The following HP1BP3 variants were observed in gnomAD, a reference collection of about 807,000 sequenced individuals.
HP1BP3 encodes the protein heterochromatin protein 1-binding protein 3.
A neutral mutation model predicts 62.5 loss-of-function variants in HP1BP3; 12 were observed. That is an observed-to-expected ratio of 0.19 (90% CI 0.12 to 0.31). The LOEUF (loss-of-function observed/expected upper bound fraction) is 0.31, where lower values mean the gene tolerates loss of function less well. Ranked by LOEUF, HP1BP3 falls within the 10% of genes least tolerant of loss-of-function variation. HP1BP3 has a pLI of 1.00. For missense variants in HP1BP3, 502 were observed against 651.8 expected, an observed-to-expected ratio of 0.77 and a Z score of 2.50; for synonymous variants, 260 against 237.8, an observed-to-expected ratio of 1.09 and a Z score of -0.86.
chr1:20,744,595 T>A lies in HP1BP3; in HGVS notation c.*202A>T. 1.8e-6 allele frequency: 1 copy of A among 559,076 alleles called. No homozygotes were observed. The allele number at this position is 559,076 out of a possible 1,614,324, so 34.6% of individuals were successfully genotyped here. A position where few individuals can be genotyped will look rare whatever the true frequency, so the allele number is the denominator to read the frequency against. The stretch of plus-strand genomic sequence containing the variant: ...TCCAGGATTATTGCAGAAATTAAAA[T>A]GAACAAGGAAAAGGGCAGGCACCAA... On this transcript the variant is annotated 3_prime_UTR_variant, in exon 13 of 13. Transcript: ENST00000438032.
chr1:20,767,210 G>T (rs2056829403), intron 7 of HP1BP3, among the ~76,000 whole-genome samples: 1 of 152,146 alleles, frequency 6.6e-6, no homozygotes, highest in Non-Finnish European at 1.5e-5. Context: ...CAGCTACTCA[G>T]GAGGCTGAGG....
At chr1:20,774,581 A>G (rs149165002) in intron 4 of HP1BP3, 1 of 152,290 alleles carries the variant, frequency 6.6e-6, no homozygotes, top group African/African-American at 2.4e-5. Context: ...AAAACCTCCT[A>G]TTACCTGGTT....
chr1:20,761,770 G>A (rs778895069), intron 8 of HP1BP3, among the ~76,000 whole-genome samples: 1 of 152,228 alleles, frequency 6.6e-6, no homozygotes, highest in Non-Finnish European at 1.5e-5. Context: ...TTTCTATTAA[G>A]AGGTAAAGCA....
chr1:20,771,225 TAC>T, intron 5 of HP1BP3, 152 bp from the exon 6 acceptor site: 1 of 615,186 alleles, frequency 1.6e-6, no homozygotes, highest in Non-Finnish European at 2.8e-6. Context: ...TCATAATGAC[TAC>T]AGAGAAGTAA....
At position 20,744,936 on chromosome 1, in the gene HP1BP3, T is replaced by G. The variant is rs567087580; in HGVS notation, c.1523A>C (p.Lys508Thr). 2.5e-6 allele frequency: 4 copies of G among 1,614,180 alleles called. No homozygotes were observed. Among genetic ancestry groups the G allele is most frequent in the African/African-American group, 1.3e-5 (1 of 75,052 alleles). ...APPKAKTPAK[K>T]TRPSSTVIKK... ...GATGACTGTGGATGAGGGTCTGGTCTTCTTGGCAGGCGTTTTGGCCTTAGG... is the reference window on the plus strand; with the variant it reads ...GATGACTGTGGATGAGGGTCTGGTCGTCTTGGCAGGCGTTTTGGCCTTAGG... The change falls in exon 13 of 13, where the codon AAG becomes ACG. Residue 508 changes from lysine (K) to threonine (T), a missense_variant. Transcript: ENST00000438032.
chr1:20,749,923 T>A, intron 9 of HP1BP3, 41 bp from the exon 10 acceptor site: 1 of 1,593,560 alleles, frequency 6.3e-7, no homozygotes, highest in Non-Finnish European at 8.5e-7. Context: ...AAGACAACAC[T>A]CTCCCAAAGC....
intron 1 of HP1BP3, among the ~76,000 whole-genome samples, chr1:20,784,483 T>G (rs2057724959): frequency 6.7e-6 from 1 of 149,576 alleles, no homozygotes. Flanking sequence ...TCCCTTTTTT[T>G]TTTTTTTTTT....
chr1:20,744,788 CTA>C lies in HP1BP3; in HGVS notation c.*7_*8del, dbSNP rs2055201383. 1 of 1,580,358 alleles carries C rather than the reference CTA, an allele frequency of 6.3e-7. No individual in the cohort carries two copies. Among genetic ancestry groups the C allele is most frequent in the African/African-American group, 1.4e-5 (1 of 72,566 alleles). ...AATTTCATCATGATACCCTTTTTTC[CTA>C]TAAAATTTACTTTTTCACTCTGAAA... On this transcript the variant is annotated 3_prime_UTR_variant, in exon 13 of 13. Coordinates refer to ENST00000438032, the MANE Select transcript of HP1BP3 (RefSeq NM_001372052.1).
At chr1:20,756,784 T>TGGCTCAATGCAACCTC (rs1459800783) in intron 9 of HP1BP3, among the ~76,000 whole-genome samples, 42 of 152,316 alleles carry the variant, frequency 2.8e-4, no homozygotes, top group African/African-American at 9.6e-4. Context: ...GGTGCAATCT[T>TGGCTCAATGCAACCTC]GGCTCAATGC....
intron 9 of HP1BP3, among the ~76,000 whole-genome samples, chr1:20,751,329 C>A (rs1489865647): frequency 6.6e-6 from 1 of 151,428 alleles, no homozygotes; most frequent in Non-Finnish European, 1.5e-5. Flanking sequence ...GGGATCTGCA[C>A]CTTTAACCCC....
At chr1:20,782,717 T>C (rs1015349119) in intron 1 of HP1BP3, among the ~76,000 whole-genome samples, 2 of 151,382 alleles carry the variant, frequency 1.3e-5, no homozygotes, top group African/African-American at 4.9e-5. Context: ...CTGGCCAGTA[T>C]GGTGAAACCC....
intron 6 of HP1BP3, among the ~76,000 whole-genome samples, chr1:20,768,087 A>T (rs2056873247): frequency 6.6e-6 from 1 of 152,244 alleles, no homozygotes; most frequent in African/African-American, 2.4e-5. Flanking sequence ...GAGCCTAATT[A>T]GTCTCAGACC....
chr1:20,750,380 A>AC (rs2154539730), intron 9 of HP1BP3: 2 of 138,538 alleles, frequency 1.4e-5, no homozygotes, highest in East Asian at 4.2e-4. Flanking sequence ...CACACACACA[A>AC]AATAGCCAGG....
chr1:20,752,752 T>C (rs912650990), intron 9 of HP1BP3, among the ~76,000 whole-genome samples: 2 of 152,202 alleles, frequency 1.3e-5, no homozygotes, highest in South Asian at 2.1e-4. Context: ...TCACTTAGAA[T>C]GCCCTTGATA....
chr1:20,755,139 T>C (rs1193689154), intron 9 of HP1BP3, among the ~76,000 whole-genome samples: 3 of 152,116 alleles, frequency 2.0e-5, no homozygotes, highest in African/African-American at 7.2e-5. Flanking sequence ...AATAAACAAA[T>C]GGCCTTAAGC....
intron 1 of HP1BP3, among the ~76,000 whole-genome samples, chr1:20,783,535 C>T (rs1049823553): frequency 2.1e-5 from 3 of 146,132 alleles, no homozygotes; most frequent in Admixed American, 1.4e-4. Flanking sequence ...CAAACAACAA[C>T]AATTTAAAAA....
chr1:20,760,089 A>G (rs1262483817), intron 8 of HP1BP3, among the ~76,000 whole-genome samples: 1 of 151,910 alleles, frequency 6.6e-6, no homozygotes, highest in Non-Finnish European at 1.5e-5. Context: ...GGGTTTCACC[A>G]TGTTGGCCAG....
chr1:20,768,891 CAA>C (rs1033484457), intron 6 of HP1BP3, among the ~76,000 whole-genome samples: 1 of 152,140 alleles, frequency 6.6e-6, no homozygotes, highest in African/African-American at 2.4e-5. Flanking sequence ...ACACTGCTAT[CAA>C]TGCAGCAATC....
rs373880675 is a variant in HP1BP3, at chr1:20,765,221, A to C, written c.890+156T>G. On this transcript the variant is annotated intron_variant, in intron 8 of 12. Coordinates refer to ENST00000438032, the MANE Select transcript of HP1BP3 (RefSeq NM_001372052.1). ...AATTATACATGGAGATATGAAAATAAAAACATAATGGGGCAAAAAAATAAA... is the reference window on the plus strand; with the variant it reads ...AATTATACATGGAGATATGAAAATACAAACATAATGGGGCAAAAAAATAAA... Among the ~76,000 whole-genome samples, 17 of 152,084 alleles carry C rather than the reference A, an allele frequency of 1.1e-4. No homozygotes were observed. In the East Asian group the frequency reaches 3.3e-3, roughly 29 times the overall value.
Sources: allele counts gnomAD v4.1 joint callset (sites outside exome capture counted in the v4.1 genomes callset), GRCh38; gene constraint gnomAD v4.1.1; transcripts MANE v1.5; gene names NCBI Gene and HGNC (gene_info 2026-07-23, HGNC 2026-07-21).